OPCML: variants seen among roughly 807,000 people sequenced by gnomAD.
The protein encoded by OPCML is opioid binding protein/cell adhesion molecule like, also known as opioid-binding protein/cell adhesion molecule.
Under a neutral mutation model 37.8 loss-of-function variants are expected in OPCML, and 13 were observed. The observed-to-expected ratio is 0.34, with a 90% CI of 0.22 to 0.55. OPCML has a LOEUF of 0.55. Ranked by LOEUF, OPCML falls within the 20% of genes least tolerant of loss-of-function variation. OPCML has a pLI of 0.91. For synonymous variants in OPCML, 176 were observed against 168.8 expected (o/e 1.04, Z -0.33); for missense variants, 341 against 435.6 (o/e 0.78, Z 1.93).
intron 1 of OPCML, among the ~76,000 whole-genome samples, chr11:133,461,945 A>C (rs1453028447): frequency 6.6e-6 from 1 of 152,012 alleles, no homozygotes; most frequent in African/African-American, 2.4e-5. Flanking sequence ...AAACCAACGG[A>C]GTAGAACAAA....
At chr11:132,861,001 T>C (rs1942277752) in intron 2 of OPCML, among the ~76,000 whole-genome samples, 1 of 152,248 alleles carries the variant, frequency 6.6e-6, no homozygotes, top group African/African-American at 2.4e-5. Flanking sequence ...ACTAATATAT[T>C]GTACAAGGCC....
At chr11:133,397,672 C>T (rs1292288207) in intron 1 of OPCML, among the ~76,000 whole-genome samples, 1 of 152,238 alleles carries the variant, frequency 6.6e-6, no homozygotes, top group Non-Finnish European at 1.5e-5. Context: ...ACAGAAAGCA[C>T]ACAAATTCAT....
At chr11:132,947,527 A>C (rs555434383) in intron 1 of OPCML, among the ~76,000 whole-genome samples, 42 of 152,326 alleles carry the variant, frequency 2.8e-4, no homozygotes, top group African/African-American at 9.4e-4. Flanking sequence ...GTCTCATTTA[A>C]TGTTAATCTC....
At chr11:133,107,015 T>A (rs1592007159) in intron 1 of OPCML, among the ~76,000 whole-genome samples, 1 of 152,278 alleles carries the variant, frequency 6.6e-6, no homozygotes, top group East Asian at 1.9e-4. Flanking sequence ...GTCTTGGGTA[T>A]CCCCACCTGG....
chr11:133,174,811 G>A lies in OPCML; in HGVS notation c.62-231801C>T, dbSNP rs1177130169. Among the ~76,000 whole-genome samples the A allele has an allele frequency of 2.0e-5, 3 of 152,122 alleles. No homozygotes were observed. The East Asian group carries it at 5.8e-4, about 29-fold the overall frequency. On this transcript the variant is annotated intron_variant, in intron 1 of 7. Coordinates refer to ENST00000524381, the MANE Select transcript of OPCML (RefSeq NM_001012393.5). The surrounding 1 kb of genome is among the most constrained non-coding windows in gnomAD (Gnocchi z 4.6). ...CATTTATGATGAGTGTATACTTCGT[G>A]TGCACTAGAAAAAGAGTACTTTAAA...
chr11:133,031,264 T>A (rs560117239), intron 1 of OPCML, among the ~76,000 whole-genome samples: 1 of 150,206 alleles, frequency 6.7e-6, no homozygotes, highest in Admixed American at 6.6e-5. Flanking sequence ...GGTAGACAGG[T>A]TAAATAAGTG....
intron 2 of OPCML, among the ~76,000 whole-genome samples, chr11:132,777,749 G>C (rs1353651413): frequency 6.6e-6 from 1 of 151,978 alleles, no homozygotes; most frequent in Non-Finnish European, 1.5e-5. Context: ...GAGAGGGAGC[G>C]GGAGAGGTTG....
intron 1 of OPCML, among the ~76,000 whole-genome samples, chr11:133,185,078 C>T (rs571720): frequency 0.98 from 149,901 of 152,302 alleles, 73,776 homozygotes; most frequent in East Asian, 1. Flanking sequence ...CTCATACTCA[C>T]AAAAGTGTAG....
chr11:133,074,085 T>C (rs1169122530), intron 1 of OPCML, among the ~76,000 whole-genome samples: 1 of 152,240 alleles, frequency 6.6e-6, no homozygotes, highest in African/African-American at 2.4e-5. Context: ...CCGAGATAGC[T>C]CGTTCAATCT....
intron 1 of OPCML, among the ~76,000 whole-genome samples, chr11:133,037,662 G>A (rs1947806514): frequency 6.6e-6 from 1 of 152,184 alleles, no homozygotes; most frequent in South Asian, 2.1e-4. Flanking sequence ...AGATCCTACT[G>A]AAGAAAATGA....
intron 2 of OPCML, among the ~76,000 whole-genome samples, chr11:132,734,576 C>T (rs1054969702): frequency 6.6e-6 from 1 of 152,220 alleles, no homozygotes; most frequent in Non-Finnish European, 1.5e-5. Context: ...ATGACAGCAT[C>T]TTCATGAGAA....
rs562938507 is a variant in OPCML at position 132,488,106 on chromosome 11, G to A, written c.505+40955C>T. Among the ~76,000 whole-genome samples, 4 of 152,356 alleles carry A rather than the reference G, an allele frequency of 2.6e-5. No homozygotes were observed. In the East Asian group the frequency reaches 5.8e-4, roughly 22 times the overall value. On this transcript the variant is annotated intron_variant, in intron 4 of 7. Transcript: ENST00000524381. ...GCCTCCCCAACCGCATGCCTATGCAGCTGCTTATGCTGCTCTCTGCCAGGA... is the reference window on the plus strand; with the variant it reads ...GCCTCCCCAACCGCATGCCTATGCAACTGCTTATGCTGCTCTCTGCCAGGA...
chr11:132,980,093 A>G (rs938709752), intron 1 of OPCML, among the ~76,000 whole-genome samples: 1 of 152,184 alleles, frequency 6.6e-6, no homozygotes, highest in African/African-American at 2.4e-5. Flanking sequence ...TGTGAATAAG[A>G]GATAAAAGAA....
At chr11:132,581,605 C>G (rs2096462083) in intron 3 of OPCML, among the ~76,000 whole-genome samples, 1 of 152,164 alleles carries the variant, frequency 6.6e-6, no homozygotes, top group Admixed American at 6.5e-5. Context: ...GAGAAGAGAG[C>G]TCAGCTCTGA....
intron 2 of OPCML, among the ~76,000 whole-genome samples, chr11:132,856,083 T>A (rs1942043409): frequency 6.6e-6 from 1 of 152,188 alleles, no homozygotes; most frequent in Non-Finnish European, 1.5e-5. Context: ...GCCAATACAA[T>A]AGACCTAACA....
chr11:133,137,235 T>C (rs1949705971), intron 1 of OPCML, among the ~76,000 whole-genome samples: 1 of 152,222 alleles, frequency 6.6e-6, no homozygotes, highest in Admixed American at 6.5e-5. Flanking sequence ...GAACAACTAT[T>C]CTGCCTTACT....
intron 1 of OPCML, among the ~76,000 whole-genome samples, chr11:133,398,962 C>A (rs1360138386): frequency 1.3e-5 from 2 of 152,106 alleles, no homozygotes; most frequent in African/African-American, 4.8e-5. Flanking sequence ...AGAAACAAAA[C>A]AAAACAAAAA....
chr11:132,641,504 T>C (rs182181353), intron 3 of OPCML, among the ~76,000 whole-genome samples: 135 of 152,338 alleles, frequency 8.9e-4, no homozygotes, highest in African/African-American at 3.2e-3. Context: ...CTCTCAGAGC[T>C]ATCCTTGGGC....
At chr11:133,197,375 T>C (rs1265463343) in intron 1 of OPCML, among the ~76,000 whole-genome samples, 13 of 152,346 alleles carry the variant, frequency 8.5e-5, no homozygotes, top group Admixed American at 5.2e-4. Context: ...CCTTAATATG[T>C]TCACTCATTA....
Sources: gnomAD v4.1 joint callset for allele counts (sites outside exome capture counted in the v4.1 genomes callset) on GRCh38, gnomAD v4.1.1 for gene constraint, Gnocchi (gnomAD v3.1) non-coding constraint, MANE v1.5 for transcripts, NCBI Gene and HGNC (gene_info 2026-07-23, HGNC 2026-07-21) for gene names.